The following FMR1NB variants were observed in gnomAD, a reference collection of about 807,000 sequenced individuals.
The protein encoded by FMR1NB is FMR1 neighbor.
FMR1NB carries 10 observed loss-of-function variants against 16.8 expected under a neutral mutation model. The observed-to-expected ratio is 0.60, with a 90% confidence interval of 0.37 to 1.01. FMR1NB has a LOEUF of 1.01. Among genes scored for constraint, FMR1NB ranks in the 50% least tolerant of loss-of-function variants. The pLI is 0.01. For synonymous variants in FMR1NB, 83 were observed against 79.1 expected (o/e 1.05, Z -0.26); for missense variants, 205 against 204.8 (o/e 1.00, Z 0.00).
intron 4 of FMR1NB, among the ~76,000 whole-genome samples, chrX:148,011,040 C>A (rs1482148023): frequency 1.8e-5 from 2 of 110,754 alleles, no homozygotes; most frequent in Non-Finnish European, 3.8e-5. Context: ...CCAAGGCGGG[C>A]AGATCACGAG....
rs1301891961 is a variant in FMR1NB, at chrX:148,026,647, T to C, written c.*159T>C. On this transcript the variant is annotated 3_prime_UTR_variant, in exon 6 of 6. Coordinates refer to ENST00000370467, the MANE Select transcript of FMR1NB (RefSeq NM_152578.3). ...TTTCAAACATGAAATAAAATTGAGT[T>C]CTGTTTTCATGCATCAAACCAGAAT... The C allele has an allele frequency of 8.9e-6, 1 of 111,815 alleles. No individual in the cohort carries two copies. The highest frequency in any genetic ancestry group is 1.9e-5 in the Non-Finnish European group (1 of 53,126). 9.2% of individuals were successfully genotyped at this position (111,815 alleles called of 1,213,427 possible).
At chrX:147,981,780 T>A in intron 1 of FMR1NB, 101 bp downstream of exon 1, 1 of 875,039 alleles carries the variant, frequency 1.1e-6, no homozygotes, top group East Asian at 3.4e-5. Flanking sequence ...ACCATAGGCC[T>A]TCCTGCCCCT....
intron 1 of FMR1NB, among the ~76,000 whole-genome samples, chrX:147,985,486 A>C (rs2044471662): frequency 1.8e-5 from 2 of 110,132 alleles, no homozygotes; most frequent in African/African-American, 3.3e-5. Context: ...ACCCCTCGAC[A>C]GGCCCTGGTG....
intron 1 of FMR1NB, among the ~76,000 whole-genome samples, chrX:147,986,345 T>C (rs929942649): frequency 1.8e-5 from 2 of 112,453 alleles, no homozygotes; most frequent in African/African-American, 6.5e-5. Context: ...TTGTCAATTT[T>C]GGCTTTTGTT....
At chrX:148,025,143 C>A in intron 5 of FMR1NB, 130 bp downstream of exon 5, 1 of 681,927 alleles carries the variant, frequency 1.5e-6, no homozygotes, top group Non-Finnish European at 2.1e-6. Flanking sequence ...CACAGGAGGG[C>A]CAGCTTCTGA....
At chrX:147,986,980 G>T (rs1557187148) in intron 1 of FMR1NB, among the ~76,000 whole-genome samples, 1 of 111,205 alleles carries the variant, frequency 9.0e-6, no homozygotes, top group East Asian at 2.8e-4. Context: ...ATTTGTTTGT[G>T]TCGTCTCTTA....
intron 4 of FMR1NB, among the ~76,000 whole-genome samples, chrX:148,015,166 T>C (rs2044643822): frequency 8.9e-6 from 1 of 111,848 alleles, no homozygotes; most frequent in South Asian, 3.7e-4. Context: ...GTATCAGTTA[T>C]AATGTCTTCT....
At position 147,996,721 on chromosome X, in the gene FMR1NB, G is replaced by C. The variant is rs1158239731; in HGVS notation, c.278-6480G>C. ...GCTCCCCAAGTGTGGGGCCCTGTTT[G>C]ACTGCACAAGTCACATATAGATGAA... On this transcript the variant is annotated intron_variant, in intron 1 of 5. Transcript: ENST00000370467. 2.7e-5 allele frequency among the ~76,000 whole-genome samples: 3 copies of C among 112,135 alleles called. No homozygotes were observed. In the Admixed American group the frequency reaches 2.8e-4, roughly 11 times the overall value.
At chrX:147,994,760 C>G (rs1460149198) in intron 1 of FMR1NB, among the ~76,000 whole-genome samples, 1 of 112,298 alleles carries the variant, frequency 8.9e-6, no homozygotes, top group Non-Finnish European at 1.9e-5. Flanking sequence ...CTAAAATAAT[C>G]TATGATTCAT....
chrX:147,998,509 C>T (rs927255874), intron 1 of FMR1NB, among the ~76,000 whole-genome samples: 4 of 111,522 alleles, frequency 3.6e-5, no homozygotes, highest in African/African-American at 6.5e-5. Flanking sequence ...ATGTAGATGA[C>T]GGGTTGATGG....
At chrX:147,983,235 T>A (rs1447286011) in intron 1 of FMR1NB, among the ~76,000 whole-genome samples, 4 of 112,335 alleles carry the variant, frequency 3.6e-5, no homozygotes, top group Non-Finnish European at 7.5e-5. Flanking sequence ...GTACAAGTTG[T>A]TGTGTAGACA....
intron 1 of FMR1NB, among the ~76,000 whole-genome samples, chrX:148,000,963 C>G (rs2044567429): frequency 9.0e-6 from 1 of 111,685 alleles, no homozygotes. Context: ...ATATTATTGT[C>G]TATCTGGAAT....
intron 1 of FMR1NB, among the ~76,000 whole-genome samples, chrX:147,984,934 A>G (rs1414368499): frequency 4.5e-5 from 5 of 112,169 alleles, no homozygotes; most frequent in African/African-American, 1.6e-4. Context: ...TTTTGCATCA[A>G]TTGAGATATG....
In FMR1NB at chrX:148,010,903, AAAAC is replaced by A. The variant is rs782100199; in HGVS notation, c.632+2199_632+2202del. On this transcript the variant is annotated intron_variant, in intron 4 of 5. Transcript: ENST00000370467. ...TCCTCTTGGCCTTCGGTTGCAAGCC[AAAAC>A]AAACAATGTTTTGGTATTCCCCAAC... Among the ~76,000 whole-genome samples, 18 of 111,575 alleles carry A rather than the reference AAAAC, an allele frequency of 1.6e-4. No homozygotes were observed. In the East Asian group the frequency reaches 3.1e-3, roughly 19 times the overall value.
intron 1 of FMR1NB, among the ~76,000 whole-genome samples, chrX:147,986,511 G>A (rs1367322843): frequency 4.5e-5 from 5 of 111,956 alleles, no homozygotes; most frequent in Admixed American, 1.9e-4. Flanking sequence ...GTGTAAGGAA[G>A]GGGTCCAGTT....
intron 1 of FMR1NB, among the ~76,000 whole-genome samples, chrX:147,983,373 G>T (rs2044460872): frequency 8.9e-6 from 1 of 111,878 alleles, no homozygotes; most frequent in Non-Finnish European, 1.9e-5. Context: ...ATGTTTGAAG[G>T]TTTCAATTTC....
At chrX:148,026,268 C>T (rs1440773039) in intron 5 of FMR1NB, among the ~76,000 whole-genome samples, 2 of 111,111 alleles carry the variant, frequency 1.8e-5, no homozygotes, top group African/African-American at 6.5e-5. Flanking sequence ...TGGAAGTTAA[C>T]TTTGTTATTC....
chrX:147,996,733 C>A (rs1014206935), intron 1 of FMR1NB, among the ~76,000 whole-genome samples: 1 of 112,232 alleles, frequency 8.9e-6, no homozygotes, highest in African/African-American at 3.2e-5. Context: ...CTGCACAAGT[C>A]ACATATAGAT....
intron 4 of FMR1NB, among the ~76,000 whole-genome samples, chrX:148,012,799 A>G (rs782794249): frequency 8.9e-6 from 1 of 111,893 alleles, no homozygotes; most frequent in South Asian, 3.8e-4. Context: ...CCTAAAAATC[A>G]TCACCCTTTG....
Sources: gnomAD v4.1 joint callset for allele counts (sites outside exome capture counted in the v4.1 genomes callset) on GRCh38, gnomAD v4.1.1 for gene constraint, MANE v1.5 for transcripts, NCBI Gene and HGNC (gene_info 2026-07-23, HGNC 2026-07-21) for gene names.